Variants in GRIN2A observed in about 807,000 individuals in gnomAD.
GRIN2A encodes glutamate receptor ionotropic, NMDA 2A.
Under a neutral mutation model 113.4 loss-of-function variants are expected in GRIN2A, and 22 were observed. The observed-to-expected ratio is 0.19, with a 90% CI of 0.14 to 0.28. The LOEUF is 0.28. GRIN2A is among the 10% of genes least tolerant of loss of function. GRIN2A has a pLI of 1.00. For missense variants in GRIN2A, 1,502 were observed against 1,887.0 expected, an observed-to-expected ratio of 0.80 and a Z score of 3.78; for synonymous variants, 827 against 738.4, an observed-to-expected ratio of 1.12 and a Z score of -1.94.
At chr16:9,972,346 A>C (rs779923260) in intron 2 of GRIN2A, among the ~76,000 whole-genome samples, 2 of 152,326 alleles carry the variant, frequency 1.3e-5, no homozygotes, top group East Asian at 1.9e-4. Context: ...ATTACTTTAC[A>C]TATAAGAAGT....
chr16:10,009,742 G>C (rs1368992430), intron 2 of GRIN2A, among the ~76,000 whole-genome samples: 1 of 132,810 alleles, frequency 7.5e-6, no homozygotes, highest in African/African-American at 2.6e-5. Context: ...TTGCTCAAAT[G>C]AGAAAGAAAA....
At position 9,981,401 on chromosome 16, in the gene GRIN2A, G is replaced by A. The variant is rs114552562; in HGVS notation, c.415-42850C>T. 3.7e-3 allele frequency among the ~76,000 whole-genome samples: 560 copies of A among 152,256 alleles called. 7 individuals are homozygous for A. The highest frequency in any genetic ancestry group is 0.013 in the African/African-American group (520 of 41,542). ...ATTCTTTTTAAACTTGTCATCATGG[G>A]AAATGTCAAACATAGAAAACAGAAA... On this transcript the variant is annotated intron_variant, in intron 2 of 12. Coordinates refer to ENST00000330684, the MANE Select transcript of GRIN2A (RefSeq NM_001134407.3).
intron 2 of GRIN2A, among the ~76,000 whole-genome samples, chr16:10,071,065 G>C (rs2047741274): frequency 6.6e-6 from 1 of 152,074 alleles, no homozygotes; most frequent in African/African-American, 2.4e-5. Flanking sequence ...CCATCCGATA[G>C]GCAGTATTGA....
At position 9,798,360 on chromosome 16, in the gene GRIN2A, G is replaced by T; in HGVS notation, c.2273C>A (p.Thr758Asn). ...VTIGSGYIFA[T>N]TGYGIALQKG... ...CTGAAGGGCAATTCCATAACCGGTG[G>T]TGGCAAAGATGTACCCACTCCCGAT... is the stretch of plus-strand genomic sequence containing the variant. Residue 758 changes from threonine (T) to asparagine (N), a missense_variant, in exon 11 of 13, where the codon ACC becomes AAC. Thr to Asn is a moderately conservative substitution (Grantham distance 65). Coordinates refer to ENST00000330684, the MANE Select transcript of GRIN2A (RefSeq NM_001134407.3). The T allele has an allele frequency of 6.2e-7, 1 of 1,614,016 alleles. No individual in the cohort carries two copies. Among genetic ancestry groups the T allele is most frequent in the Non-Finnish European group, 8.5e-7 (1 of 1,179,916 alleles).
chr16:9,877,451 G>A (rs184939975), intron 4 of GRIN2A, among the ~76,000 whole-genome samples: 64 of 152,170 alleles, frequency 4.2e-4, no homozygotes, highest in Non-Finnish European at 7.4e-4. Context: ...AGTTGAAGGT[G>A]GGTCTTACCT....
chr16:10,014,030 T>C (rs573017489), intron 2 of GRIN2A, among the ~76,000 whole-genome samples: 2 of 152,368 alleles, frequency 1.3e-5, no homozygotes, highest in African/African-American at 2.4e-5. Context: ...ACACAGTTAC[T>C]GTGACTTCGT....
chr16:10,107,696 G>C (rs2048525605), intron 2 of GRIN2A, among the ~76,000 whole-genome samples: 1 of 152,234 alleles, frequency 6.6e-6, no homozygotes, highest in Non-Finnish European at 1.5e-5. Context: ...ATTCCTGAAA[G>C]GGAAAGGAGC....
chr16:9,992,788 G>A (rs892230428), intron 2 of GRIN2A, among the ~76,000 whole-genome samples: 4 of 152,086 alleles, frequency 2.6e-5, no homozygotes, highest in African/African-American at 7.2e-5. Context: ...GACAATACTC[G>A]GCTATGTAAA....
intron 2 of GRIN2A, among the ~76,000 whole-genome samples, chr16:10,061,345 A>C (rs1175471139): frequency 6.6e-6 from 1 of 152,214 alleles, no homozygotes; most frequent in Admixed American, 6.5e-5. Context: ...TAATCTGAGA[A>C]GGAAATAAAC....
chr16:9,798,185 CA>C, intron 11 of GRIN2A, 91 bp downstream of exon 11: 1 of 999,520 alleles, frequency 1.0e-6, no homozygotes, highest in Non-Finnish European at 1.6e-6. Flanking sequence ...GCAAACTCAT[CA>C]TGCAAAGATC....
chr16:9,785,813 T>C (rs904806672), intron 11 of GRIN2A, among the ~76,000 whole-genome samples: 4 of 152,214 alleles, frequency 2.6e-5, no homozygotes, highest in African/African-American at 9.6e-5. Context: ...TGTATTTTCT[T>C]GCCAAGTGAT....
intron 12 of GRIN2A, among the ~76,000 whole-genome samples, chr16:9,767,016 CA>C (rs1302817840): frequency 2.0e-5 from 3 of 152,340 alleles, no homozygotes; most frequent in Admixed American, 6.5e-5. Context: ...CTTCCAAAAA[CA>C]AGCAAGATTT....
At chr16:9,881,091 T>G (rs2043472301) in intron 4 of GRIN2A, among the ~76,000 whole-genome samples, 1 of 152,208 alleles carries the variant, frequency 6.6e-6, no homozygotes, top group African/African-American at 2.4e-5. Flanking sequence ...AGTTCTATTA[T>G]CTCTGTTGAT....
At chr16:10,076,597 T>C (rs1211468311) in intron 2 of GRIN2A, among the ~76,000 whole-genome samples, 2 of 152,132 alleles carry the variant, frequency 1.3e-5, no homozygotes, top group Non-Finnish European at 2.9e-5. Context: ...TCACAGACAA[T>C]CCAGAGCACT....
At chr16:10,038,914 C>T (rs1389943175) in intron 2 of GRIN2A, among the ~76,000 whole-genome samples, 1 of 151,958 alleles carries the variant, frequency 6.6e-6, no homozygotes, top group Admixed American at 6.6e-5. Context: ...TGCCAAATGT[C>T]CCCTGGCCTA....
intron 10 of GRIN2A, among the ~76,000 whole-genome samples, chr16:9,818,901 G>A (rs573189515): frequency 3.3e-5 from 5 of 152,226 alleles, no homozygotes; most frequent in South Asian, 2.1e-4. Context: ...TGAATGTGAC[G>A]CAATACAAAG....
intron 3 of GRIN2A, among the ~76,000 whole-genome samples, chr16:9,925,585 T>C (rs1399483702): frequency 6.6e-6 from 1 of 152,206 alleles, no homozygotes; most frequent in African/African-American, 2.4e-5. Flanking sequence ...TATCCTTAAG[T>C]TGCAGCCTGG....
At chr16:9,985,515 A>G (rs577931773) in intron 2 of GRIN2A, among the ~76,000 whole-genome samples, 2 of 152,298 alleles carry the variant, frequency 1.3e-5, no homozygotes, top group East Asian at 3.9e-4. Context: ...GCCATGAAAA[A>G]GAATGAGATC....
At chr16:10,121,783 TC>T (rs1274113070) in intron 2 of GRIN2A, among the ~76,000 whole-genome samples, 1 of 152,114 alleles carries the variant, frequency 6.6e-6, no homozygotes, top group Non-Finnish European at 1.5e-5. Flanking sequence ...AAACCTGTTC[TC>T]CCCAGGAAAG....
Sources: gnomAD v4.1 joint callset for allele counts (sites outside exome capture counted in the v4.1 genomes callset) on GRCh38, gnomAD v4.1.1 for gene constraint, MANE v1.5 for transcripts, NCBI Gene and HGNC (gene_info 2026-07-23, HGNC 2026-07-21) for gene names.